VPS53: variants seen among roughly 807,000 people sequenced by gnomAD.
The protein encoded by VPS53 is vacuolar protein sorting-associated protein 53 homolog.
In VPS53, 70 loss-of-function variants were observed where a neutral mutation model predicts 107.0. That is an observed-to-expected ratio of 0.65 (90% CI 0.54 to 0.80). VPS53 has a LOEUF of 0.80. Among genes scored for constraint, VPS53 ranks in the 30% least tolerant of loss-of-function variants. The pLI, the probability that VPS53 is intolerant of heterozygous loss-of-function variation, is 0.00. For synonymous variants in VPS53, 409 were observed against 393.3 expected (o/e 1.04, Z -0.47); for missense variants, 917 against 1,049.4 (o/e 0.87, Z 1.74).
intron 4 of VPS53, among the ~76,000 whole-genome samples, chr17:680,737 T>A (rs189406973): frequency 6.6e-6 from 1 of 152,220 alleles, no homozygotes; most frequent in South Asian, 2.1e-4. Flanking sequence ...TTCTCAATGC[T>A]TAAAATAGTG....
At chr17:643,501 C>A (rs1186587629) in intron 7 of VPS53, among the ~76,000 whole-genome samples, 1 of 148,680 alleles carries the variant, frequency 6.7e-6, no homozygotes, top group African/African-American at 2.5e-5. Context: ...AAATCAAGGA[C>A]AACACTCATA....
At chr17:651,945 G>C (rs1222731657) in intron 7 of VPS53, among the ~76,000 whole-genome samples, 1 of 151,798 alleles carries the variant, frequency 6.6e-6, no homozygotes, top group African/African-American at 2.4e-5. Context: ...AAGAAGGAAA[G>C]AATAAGGTTG....
At chr17:679,013 C>G (rs1480734668) in intron 4 of VPS53, among the ~76,000 whole-genome samples, 2 of 152,094 alleles carry the variant, frequency 1.3e-5, no homozygotes, top group East Asian at 3.9e-4. Context: ...CCTTTAAGCG[C>G]TCTTCTTACA....
intron 12 of VPS53, among the ~76,000 whole-genome samples, chr17:595,966 C>T (rs977561678): frequency 7.0e-6 from 1 of 142,748 alleles, no homozygotes; most frequent in Admixed American, 7.0e-5. Context: ...ACTCTAGTGT[C>T]CCCCTGGAGG....
chr17:615,171 G>C (rs1301191423), intron 11 of VPS53, among the ~76,000 whole-genome samples: 1 of 151,448 alleles, frequency 6.6e-6, no homozygotes, highest in Non-Finnish European at 1.5e-5. Flanking sequence ...TCCTCCTAAA[G>C]GGTCAGAAGT....
At chr17:697,047 G>A (rs1694909575) in intron 4 of VPS53, among the ~76,000 whole-genome samples, 1 of 152,164 alleles carries the variant, frequency 6.6e-6, no homozygotes, top group Admixed American at 6.5e-5. Context: ...ACTATGTCAG[G>A]TTACTATCTT....
chr17:696,130 T>C (rs1972951384), intron 4 of VPS53, among the ~76,000 whole-genome samples: 2 of 152,154 alleles, frequency 1.3e-5, no homozygotes, highest in Admixed American at 1.3e-4. Flanking sequence ...ACCTAATGTG[T>C]CTACACACAA....
rs373827499 is a variant in VPS53, at chr17:537,153, G to A, written c.1890C>T (p.His630=). The part of the protein sequence containing the change: ...MSKMQWQNVE[H]VGDQSPYVTS... ...TGACGTAGGGGCTCTGGTCACCAAC[G>A]TGCTCCACGTTCTGCCACTGCATCT... is the stretch of plus-strand genomic sequence containing the variant. The change falls in exon 18 of 22, where the codon CAC becomes CAT. Residue 630 remains histidine (H), a synonymous_variant. Transcript: ENST00000437048. 28 of 1,613,976 alleles carry A rather than the reference G, an allele frequency of 1.7e-5. No individual in the cohort carries two copies. The highest frequency in any genetic ancestry group is 8.0e-5 in the African/African-American group (6 of 74,894).
chr17:549,477 G>C lies in VPS53; in HGVS notation c.1866+2395C>G, dbSNP rs544195022. On this transcript the variant is annotated intron_variant, in intron 17 of 21. Coordinates refer to ENST00000437048, the MANE Select transcript of VPS53 (RefSeq NM_001128159.3). ...TTGCTGGTGTGGGCACGGGGCAGAA[G>C]TGGAGGGTGGGACGGGGCAGGGTTT... is the stretch of plus-strand genomic sequence containing the variant. Among the ~76,000 whole-genome samples, 6 of 152,218 alleles carry C rather than the reference G, an allele frequency of 3.9e-5. No homozygotes were observed. In the South Asian group the frequency reaches 1.2e-3, roughly 32 times the overall value.
At chr17:588,197 A>G (rs1003759530) in intron 12 of VPS53, among the ~76,000 whole-genome samples, 7 of 152,226 alleles carry the variant, frequency 4.6e-5, no homozygotes, top group African/African-American at 1.7e-4. Flanking sequence ...GTGCGCCTGT[A>G]GTCCCAGCTA....
intron 12 of VPS53, among the ~76,000 whole-genome samples, chr17:594,630 G>A (rs1307020581): frequency 1.4e-5 from 2 of 147,040 alleles, no homozygotes; most frequent in East Asian, 2.0e-4. Context: ...TGGGAGATGG[G>A]AAGGGGTCTG....
intron 14 of VPS53, among the ~76,000 whole-genome samples, chr17:562,197 T>G (rs1415700206): frequency 6.6e-6 from 1 of 152,216 alleles, no homozygotes; most frequent in Non-Finnish European, 1.5e-5. Context: ...TCACTTTTTT[T>G]GTATGTGCCA....
intron 1 of VPS53, 102 bp downstream of exon 1, chr17:714,521 G>T: frequency 8.7e-7 from 1 of 1,144,138 alleles, no homozygotes; most frequent in Non-Finnish European, 1.3e-6. Context: ...TCTGCCGCGA[G>T]CCCCCGGCCC....
Position 521,706 on chromosome 17 carries a change from G to A in VPS53, c.2118C>T (p.Val706=). The A allele has an allele frequency of 1.3e-6, 2 of 1,549,240 alleles. No individual in the cohort carries two copies. Among genetic ancestry groups the A allele is most frequent in the Admixed American group, 2.0e-5 (1 of 50,894 alleles). Residue 706 remains valine (V), a synonymous_variant, in exon 20 of 22, where the codon GTC becomes GTT. Coordinates refer to ENST00000437048, the MANE Select transcript of VPS53 (RefSeq NM_001128159.3). The stretch of plus-strand genomic sequence containing the variant: ...AGCTGATGGAGGGGAGATCGAGCAG[G>A]ACCATCTTCAGCGAGTGGGTGTCCA... ...LLLDTHSLKM[V]LLDLPSISSQ... is the part of the protein sequence containing the mutation.
At chr17:583,615 G>T (rs1159482368) in intron 13 of VPS53, among the ~76,000 whole-genome samples, 1 of 142,468 alleles carries the variant, frequency 7.0e-6, no homozygotes, top group East Asian at 2.2e-4. Context: ...ACCTGAATGC[G>T]TTCCCAAAGA....
chr17:631,977 AGTGGTT>A (rs1162691116), intron 7 of VPS53, among the ~76,000 whole-genome samples: 4 of 152,206 alleles, frequency 2.6e-5, no homozygotes, highest in African/African-American at 9.6e-5. Flanking sequence ...AGCTGGGCGC[AGTGGTT>A]CACGCCTGGA....
chr17:698,176 T>G (rs1464561292), intron 3 of VPS53, among the ~76,000 whole-genome samples: 4 of 152,188 alleles, frequency 2.6e-5, no homozygotes, highest in African/African-American at 4.8e-5. Flanking sequence ...CTCACACCTA[T>G]AATCCTAGCA....
intron 19 of VPS53, among the ~76,000 whole-genome samples, chr17:528,595 CTTTTT>C (rs138081726): frequency 2.1e-4 from 21 of 101,262 alleles, no homozygotes; most frequent in Admixed American, 6.7e-4. Flanking sequence ...TTTTTCAATT[CTTTTT>C]TTTTTTTTTT....
At position 551,887 on chromosome 17, in the gene VPS53, C is replaced by A; in HGVS notation, c.1851G>T (p.Leu617=). The change falls in exon 17 of 22, where the codon CTG becomes CTT. Residue 617 remains leucine (L), a synonymous_variant. Transcript: ENST00000437048. ...QDLDAACDPA[L]TAMSKMQWQN... ...AAGACCTTACCTTGCTCATGGCAGTCAGGGCAGGATCACAGGCAGCATCCA... is the reference window on the plus strand; with the variant it reads ...AAGACCTTACCTTGCTCATGGCAGTAAGGGCAGGATCACAGGCAGCATCCA... 2 of 1,603,828 alleles carry A rather than the reference C, an allele frequency of 1.2e-6. No individual in the cohort carries two copies. Among genetic ancestry groups the A allele is most frequent in the South Asian group, 2.3e-5 (2 of 88,880 alleles).
Sources: allele counts gnomAD v4.1 joint callset (sites outside exome capture counted in the v4.1 genomes callset), GRCh38; gene constraint gnomAD v4.1.1; transcripts MANE v1.5; gene names NCBI Gene and HGNC (gene_info 2026-07-23, HGNC 2026-07-21).